Variants in HK2 observed in about 807,000 individuals in gnomAD.
The protein encoded by HK2 is hexokinase-2.
A neutral mutation model predicts 92.9 loss-of-function variants in HK2; 42 were observed. The ratio of observed to expected loss-of-function variants is 0.45; its 90% CI spans 0.35 to 0.58. HK2 has a LOEUF of 0.58. Among genes scored for constraint, HK2 ranks in the 20% least tolerant of loss-of-function variants. The pLI, the probability that HK2 is intolerant of heterozygous loss-of-function variation, is 0.00. For synonymous variants in HK2, 422 were observed against 468.0 expected (o/e 0.90, Z 1.27); for missense variants, 978 against 1,245.1 (o/e 0.79, Z 3.23).
Position 74,834,130 on chromosome 2 carries a change from T to G in HK2, c.-451T>G. The G allele has an allele frequency of 3.0e-6, 1 of 328,026 alleles. No individual in the cohort carries two copies. 20.3% of individuals were successfully genotyped at this position (328,026 alleles called of 1,614,324 possible). A position where few individuals can be genotyped will look rare whatever the true frequency, so the allele number is the denominator to read the frequency against. Reference sequence around the variant, plus strand: ...GCCGGCAGCCCCTCAATAAGCCACATTGTTGCATGAAACTCCGGCGCAGGA... The same window carrying G: ...GCCGGCAGCCCCTCAATAAGCCACAGTGTTGCATGAAACTCCGGCGCAGGA... On this transcript the variant is annotated 5_prime_UTR_variant, in exon 1 of 18. Coordinates refer to ENST00000290573, the MANE Select transcript of HK2 (RefSeq NM_000189.5). The surrounding 1 kb of genome is among the most constrained non-coding windows in gnomAD (Gnocchi z 4.2).
At chr2:74,874,157 G>C (rs1689167029) in intron 6 of HK2, 109 bp from the exon 7 acceptor site, 2 of 1,412,048 alleles carry the variant, frequency 1.4e-6, no homozygotes, top group African/African-American at 2.8e-5. Context: ...TCTGCAGTGA[G>C]AAATCCCAGC....
chr2:74,885,309 C>T (rs1274271411), intron 12 of HK2, among the ~76,000 whole-genome samples, 185 bp from the exon 13 acceptor site: 1 of 152,198 alleles, frequency 6.6e-6, no homozygotes, highest in East Asian at 1.9e-4. Flanking sequence ...ACCTGCTACA[C>T]AGTAGGTGCT....
chr2:74,875,730 C>T (rs879178045), intron 7 of HK2, among the ~76,000 whole-genome samples: 1 of 152,230 alleles, frequency 6.6e-6, no homozygotes, highest in Admixed American at 6.5e-5. Context: ...GAGGATCATA[C>T]TGGTTGTGTC....
In HK2 at chr2:74,874,284, G is replaced by A. The variant is rs1407849146; in HGVS notation, c.710G>A (p.Cys237Tyr). 1.9e-6 allele frequency: 3 copies of A among 1,614,110 alleles called. No homozygotes were observed. The highest frequency in any genetic ancestry group is 2.5e-6 in the Non-Finnish European group (3 of 1,180,056). ...TTGGCAGGCACGGGCAGCAACGCCT[G>A]CTACATGGAAGAGATGCGCCACATC... ...GLIVGTGSNA[C>Y]YMEEMRHIDM... Residue 237 changes from cysteine to tyrosine, a missense_variant, in exon 7 of 18, where the codon TGC becomes TAC. Physicochemically the swap from Cys to Tyr is radical, Grantham distance 194. Around this residue, in one of 3 missense-constraint regions of HK2, gnomAD observed 189 missense variants for 289.5 expected, o/e 0.65. Transcript: ENST00000290573.
chr2:74,871,551 C>CT (rs1263619278), intron 3 of HK2, among the ~76,000 whole-genome samples: 6 of 152,142 alleles, frequency 3.9e-5, no homozygotes, highest in Non-Finnish European at 8.8e-5. Flanking sequence ...ATGAATACAG[C>CT]TTTTTTAAGG....
At chr2:74,876,509 G>C (rs866876572) in intron 7 of HK2, among the ~76,000 whole-genome samples, 5 of 152,178 alleles carry the variant, frequency 3.3e-5, no homozygotes, top group African/African-American at 1.2e-4. Context: ...CTGGTTTGGG[G>C]GCCGTCCCCT....
chr2:74,885,245 C>T (rs28363047), intron 12 of HK2, among the ~76,000 whole-genome samples: 1,749 of 152,306 alleles, frequency 0.011, 28 homozygotes, highest in African/African-American at 0.04. Flanking sequence ...AGATGTTCCA[C>T]AAGGGTGCTG....
chr2:74,882,529 G>A (rs1392592171), intron 12 of HK2, among the ~76,000 whole-genome samples: 9 of 147,364 alleles, frequency 6.1e-5, no homozygotes, highest in African/African-American at 1.8e-4. Flanking sequence ...TTGGGAGGCT[G>A]AGGCAGGAGG....
chr2:74,872,264 CCT>C (rs1265639382), intron 3 of HK2, 34 bp from the exon 4 acceptor site: 3 of 1,612,364 alleles, frequency 1.9e-6, no homozygotes, highest in African/African-American at 2.7e-5. Context: ...TGCTGTTCGA[CCT>C]CTCTGCTCAC....
Position 74,834,140 on chromosome 2 carries a change from A to T in HK2, c.-441A>T. 1 of 332,276 alleles carries T rather than the reference A, an allele frequency of 3.0e-6. No homozygotes were observed. The highest frequency in any genetic ancestry group is 2.4e-5 in the South Asian group (1 of 41,714). 20.6% of individuals were successfully genotyped at this position (332,276 alleles called of 1,614,324 possible). A position where few individuals can be genotyped will look rare whatever the true frequency, so the allele number is the denominator to read the frequency against. ...CCTCAATAAGCCACATTGTTGCATG[A>T]AACTCCGGCGCAGGAGTCCCGGGCT... On this transcript the variant is annotated 5_prime_UTR_variant, in exon 1 of 18. An upstream open reading frame in the 5' UTR gains an earlier in-frame stop. Transcript: ENST00000290573. This position sits in a 1 kb window ranked among gnomAD's most constrained non-coding sequence, Gnocchi z 4.2.
intron 1 of HK2, among the ~76,000 whole-genome samples, chr2:74,852,186 G>A (rs529632852): frequency 6.1e-4 from 93 of 152,206 alleles, no homozygotes; most frequent in Non-Finnish European, 1.2e-3. Flanking sequence ...CATTATTACA[G>A]TTGCCCATGA....
At chr2:74,869,231 G>A (rs1380341951) in intron 3 of HK2, among the ~76,000 whole-genome samples, 2 of 152,042 alleles carry the variant, frequency 1.3e-5, no homozygotes, top group Non-Finnish European at 2.9e-5. Context: ...AGGAAAGAAA[G>A]CTAGAAGAAA....
chr2:74,840,941 T>G (rs1232245878), intron 1 of HK2, among the ~76,000 whole-genome samples: 1 of 139,886 alleles, frequency 7.1e-6, no homozygotes, highest in Non-Finnish European at 1.5e-5. Context: ...TAAATCCCCA[T>G]AGCTCACTGG....
chr2:74,877,090 C>T (rs939393316), intron 7 of HK2, 76 bp from the exon 8 acceptor site: 6 of 1,584,142 alleles, frequency 3.8e-6, no homozygotes, highest in Non-Finnish European at 2.6e-6. Context: ...CACGTGTGCG[C>T]ATCTTGCTTC....
chr2:74,851,039 T>A (rs1409309515), intron 1 of HK2, among the ~76,000 whole-genome samples: 8 of 152,200 alleles, frequency 5.3e-5, no homozygotes, highest in Admixed American at 1.3e-4. Context: ...TCTCTTAGTC[T>A]CCTCATGTGA....
intron 2 of HK2, among the ~76,000 whole-genome samples, chr2:74,857,775 G>A (rs189727631): frequency 5.9e-5 from 9 of 152,328 alleles, no homozygotes; most frequent in Non-Finnish European, 1.5e-5. Flanking sequence ...CTCCTAAGTT[G>A]ATACAGACTA....
intron 1 of HK2, among the ~76,000 whole-genome samples, chr2:74,854,080 A>C (rs1361059527): frequency 6.6e-6 from 1 of 152,090 alleles, no homozygotes; most frequent in Non-Finnish European, 1.5e-5. Flanking sequence ...AGTTCTCCAA[A>C]AATTAGGTCT....
At chr2:74,881,594 AAT>A in intron 10 of HK2, 115 bp from the exon 11 acceptor site, 1 of 1,000,528 alleles carries the variant, frequency 1.0e-6, no homozygotes, top group Admixed American at 1.9e-5. Context: ...TCTAGAATGT[AAT>A]ATAAAGTGGC....
At chr2:74,839,076 G>A (rs1688242397) in intron 1 of HK2, among the ~76,000 whole-genome samples, 1 of 152,198 alleles carries the variant, frequency 6.6e-6, no homozygotes, top group African/African-American at 2.4e-5. Flanking sequence ...TGCTGGGCTT[G>A]AGAGGAATAT....
Sources: gnomAD v4.1 joint callset for allele counts (sites outside exome capture counted in the v4.1 genomes callset) on GRCh38, gnomAD v4.1.1 for gene constraint, gnomAD v4.1.1 regional missense constraint, Gnocchi (gnomAD v3.1) non-coding constraint, MANE v1.5 for transcripts, NCBI Gene and HGNC (gene_info 2026-07-23, HGNC 2026-07-21) for gene names.